Variants in ARHGAP29 observed in about 807,000 individuals in gnomAD.
ARHGAP29 encodes the protein Rho GTPase activating protein 29.
In ARHGAP29, 43 loss-of-function variants were observed where a neutral mutation model predicts 122.6. The ratio of observed to expected loss-of-function variants is 0.35; its 90% CI spans 0.27 to 0.45. The LOEUF (loss-of-function observed/expected upper bound fraction) is 0.45, where lower values mean the gene tolerates loss of function less well. ARHGAP29 is among the 20% of genes least tolerant of loss of function. ARHGAP29 has a pLI of 1.00. For synonymous variants in ARHGAP29, 506 were observed against 497.1 expected, an observed-to-expected ratio of 1.02 and a Z score of -0.24; for missense variants, 1,303 against 1,477.2, an observed-to-expected ratio of 0.88 and a Z score of 1.93.
Position 94,178,051 on chromosome 1 carries a change from G to A in ARHGAP29, c.2597C>T (p.Ala866Val). The change falls in exon 21 of 23, where the codon GCA becomes GTA. Residue 866 changes from alanine to valine, a missense_variant. Ala to Val is a moderately conservative substitution (Grantham distance 64). Coordinates refer to ENST00000260526, the MANE Select transcript of ARHGAP29 (RefSeq NM_004815.4). Reference sequence around the variant, plus strand: ...CAAGCGTGCTTGATTTGAATACTCTGCAAGGGAGGAGATGGTGATAGGAGC... The same window carrying A: ...CAAGCGTGCTTGATTTGAATACTCTACAAGGGAGGAGATGGTGATAGGAGC... ...TTAPITISSL[A>V]EYSNQARLVE... 6.2e-7 allele frequency: 1 copy of A among 1,614,192 alleles called. No homozygotes were observed. The highest frequency in any genetic ancestry group is 1.3e-5 in the African/African-American group (1 of 75,056).
chr1:94,303,256 T>TA, the ARHGAP29 span, among the ~76,000 whole-genome samples: 22 of 152,248 alleles, frequency 1.4e-4, no homozygotes, highest in East Asian at 3.3e-3. Flanking sequence ...TTCTGACATA[T>TA]GATATAACAT....
chr1:94,305,436 G>C, the ARHGAP29 span, among the ~76,000 whole-genome samples: 1 of 152,234 alleles, frequency 6.6e-6, no homozygotes, highest in Non-Finnish European at 1.5e-5. Context: ...GCACCAATGA[G>C]AGAATGACAG....
chr1:94,237,359 C>A (rs1251504962), intron 1 of ARHGAP29, 56 bp downstream of exon 1: 9 of 978,820 alleles, frequency 9.2e-6, no homozygotes, highest in Non-Finnish European at 1.1e-5. Context: ...GCGGGCAACC[C>A]CAGCCCGGAG....
At chr1:94,299,292 T>G in the ARHGAP29 span, among the ~76,000 whole-genome samples, 43 of 152,334 alleles carry the variant, frequency 2.8e-4, no homozygotes, top group South Asian at 6.2e-4. Flanking sequence ...TAGAGGAAAT[T>G]CAGCCTTCTA....
intron 1 of ARHGAP29, among the ~76,000 whole-genome samples, chr1:94,269,328 A>G (rs1186621402): frequency 1.3e-5 from 2 of 152,206 alleles, no homozygotes; most frequent in Admixed American, 6.5e-5. Flanking sequence ...ATCTAGGGGA[A>G]GTAACAGACA....
intron 12 of ARHGAP29, among the ~76,000 whole-genome samples, chr1:94,200,010 CTATATGTAAAA>C (rs1377138076): frequency 2.0e-5 from 3 of 152,128 alleles, no homozygotes; most frequent in African/African-American, 7.2e-5. Context: ...GATCATATAT[CTATATGTAAAA>C]CTATTGAAAT....
intron 22 of ARHGAP29, 43 bp downstream of exon 22, chr1:94,177,569 T>A: frequency 6.6e-7 from 1 of 1,513,490 alleles, no homozygotes; most frequent in Non-Finnish European, 9.0e-7. Context: ...ACTGGTAAAA[T>A]TTTAAGCCAG....
Position 94,202,641 on chromosome 1 carries a change from G to A in ARHGAP29, c.1046C>T (p.Ala349Val), listed in dbSNP as rs1650921075. The change falls in exon 11 of 23, where the codon GCA becomes GTA. Residue 349 changes from alanine (A) to valine (V), a missense_variant. Transcript: ENST00000260526. Reference sequence around the variant, plus strand: ...ACTTGAAGACAGATGCTCCTCTTCTGCACGAAACATGGAAGACTTTGCTTT... The same window carrying A: ...ACTTGAAGACAGATGCTCCTCTTCTACACGAAACATGGAAGACTTTGCTTT... ...YEKAKSSMFRAEEEHLSSSGG... is the reference protein window; with the variant it reads ...YEKAKSSMFRVEEEHLSSSGG... 4.3e-6 allele frequency: 7 copies of A among 1,613,976 alleles called. No homozygotes were observed. The East Asian group carries it at 1.6e-4, about 36-fold the overall frequency.
rs1249289830 is a variant in ARHGAP29 at position 94,171,582 on chromosome 1, G to C, written c.*2287C>G. ...ATGATTTCCACCACACTATTAGATA[G>C]CACAACACAGTGCACACTGTGGATC... is the stretch of plus-strand genomic sequence containing the variant. On this transcript the variant is annotated 3_prime_UTR_variant, in exon 23 of 23. Transcript: ENST00000260526. 6.6e-6 allele frequency among the ~76,000 whole-genome samples: 1 copy of C among 152,076 alleles called. No individual in the cohort carries two copies. The highest frequency in any genetic ancestry group is 1.9e-4 in the East Asian group (1 of 5,184).
rs1325890606 is a variant in ARHGAP29, at chr1:94,172,959, C to A, written c.*910G>T. On this transcript the variant is annotated 3_prime_UTR_variant, in exon 23 of 23. Transcript: ENST00000260526. ...GGTAGAACAAGTACATAAAATGATTCCTAAGTCAAAACATTTCATACAAAA... is the reference window on the plus strand; with the variant it reads ...GGTAGAACAAGTACATAAAATGATTACTAAGTCAAAACATTTCATACAAAA... 1 of 152,364 alleles carries A rather than the reference C, an allele frequency of 6.6e-6. No homozygotes were observed. The highest frequency in any genetic ancestry group is 1.5e-5 in the Non-Finnish European group (1 of 67,964). The allele number at this position is 152,364 out of a possible 1,614,324, so 9.4% of individuals were successfully genotyped here.
chr1:94,175,695 T>TTTC (rs1399540611), intron 22 of ARHGAP29, among the ~76,000 whole-genome samples: 10 of 151,994 alleles, frequency 6.6e-5, no homozygotes, highest in South Asian at 4.2e-4. Flanking sequence ...CAAGGCTCTT[T>TTTC]TATTGTTTTG....
chr1:94,179,480 G>A (rs1006944546), intron 20 of ARHGAP29, among the ~76,000 whole-genome samples: 2 of 150,648 alleles, frequency 1.3e-5, no homozygotes, highest in African/African-American at 4.9e-5. Flanking sequence ...TGTACTCCCA[G>A]CTACTTGGGA....
chr1:94,267,376 A>G (rs1654812510), intron 1 of ARHGAP29, among the ~76,000 whole-genome samples: 1 of 152,198 alleles, frequency 6.6e-6, no homozygotes, highest in Admixed American at 6.5e-5. Flanking sequence ...TGAGTGACCT[A>G]TGTTAAGTAC....
At chr1:94,257,219 T>C (rs550923295) in intron 1 of ARHGAP29, among the ~76,000 whole-genome samples, 79 of 151,564 alleles carry the variant, frequency 5.2e-4, no homozygotes, top group African/African-American at 1.9e-3. Flanking sequence ...CTGGCCAACA[T>C]TGTGAAACCC....
chr1:94,309,275 A>G, the ARHGAP29 span, among the ~76,000 whole-genome samples: 1 of 152,246 alleles, frequency 6.6e-6, no homozygotes, highest in East Asian at 1.9e-4. Flanking sequence ...AAAAGAAGTT[A>G]AATAACTTGA....
chr1:94,297,719 T>C, the ARHGAP29 span, among the ~76,000 whole-genome samples: 1 of 152,204 alleles, frequency 6.6e-6, no homozygotes, highest in Admixed American at 6.5e-5. Flanking sequence ...ATAGAGTGTT[T>C]CATCAGGAAC....
At chr1:94,209,154 C>A (rs1651413704) in intron 4 of ARHGAP29, 100 bp downstream of exon 4, 1 of 927,366 alleles carries the variant, frequency 1.1e-6, no homozygotes, top group Non-Finnish European at 1.7e-6. Context: ...TATTTAATAC[C>A]ATTTAATACT....
intron 5 of ARHGAP29, 97 bp from the exon 6 acceptor site, chr1:94,205,780 C>A (rs1293782705): frequency 9.7e-7 from 1 of 1,029,772 alleles, no homozygotes; most frequent in African/African-American, 1.6e-5. Flanking sequence ...GACATAATTC[C>A]TGCTAAAGAA....
chr1:94,184,818 G>A (rs777177870), intron 18 of ARHGAP29, 54 bp downstream of exon 18: 133 of 1,375,476 alleles, frequency 9.7e-5, no homozygotes, highest in Non-Finnish European at 1.0e-4. Context: ...CTTTTCATTA[G>A]AATAGGTTAC....
Sources: gnomAD v4.1 joint callset for allele counts (sites outside exome capture counted in the v4.1 genomes callset) on GRCh38, gnomAD v4.1.1 for gene constraint, MANE v1.5 for transcripts, NCBI Gene and HGNC (gene_info 2026-07-23, HGNC 2026-07-21) for gene names.